Variants in NFIB observed in about 807,000 individuals in gnomAD.
NFIB encodes nuclear factor I B.
A neutral mutation model predicts 61.5 loss-of-function variants in NFIB; 11 were observed. The observed-to-expected ratio is 0.18, with a 90% confidence interval of 0.11 to 0.30. The LOEUF (loss-of-function observed/expected upper bound fraction) is 0.30, where lower values mean the gene tolerates loss of function less well. Among genes scored for constraint, NFIB ranks in the 10% least tolerant of loss-of-function variants. The pLI, the probability that NFIB is intolerant of heterozygous loss-of-function variation, is 1.00. For missense variants in NFIB, 471 were observed against 608.9 expected (o/e 0.77, Z 2.38); for synonymous variants, 260 against 216.5 (o/e 1.20, Z -1.76).
upstream of NFIB, among the ~76,000 whole-genome samples, chr9:14,315,408 C>T (rs1402951653): frequency 6.7e-6 from 1 of 149,808 alleles, no homozygotes; most frequent in African/African-American, 2.4e-5. Context: ...CGGCTTCGCT[C>T]TCCTCCTCCT....
intron 1 of NFIB, among the ~76,000 whole-genome samples, chr9:14,366,610 C>T (rs867029275): frequency 6.6e-6 from 1 of 151,938 alleles, no homozygotes; most frequent in Admixed American, 6.6e-5. Context: ...TGCAGCCTCC[C>T]GAGTAGTTGG....
intron 1 of NFIB, among the ~76,000 whole-genome samples, chr9:14,351,289 G>A (rs1016102966): frequency 1.3e-4 from 20 of 152,160 alleles, no homozygotes; most frequent in Admixed American, 8.5e-4. Flanking sequence ...TGACTTTGCC[G>A]AAAGTAATTT....
At chr9:14,497,343 G>T in the NFIB span, among the ~76,000 whole-genome samples, 2 of 152,170 alleles carry the variant, frequency 1.3e-5, no homozygotes, top group Non-Finnish European at 2.9e-5. Flanking sequence ...AGTTATTACA[G>T]GAGTGCCTTA....
At chr9:14,497,746 G>A in the NFIB span, among the ~76,000 whole-genome samples, 1 of 152,224 alleles carries the variant, frequency 6.6e-6, no homozygotes, top group Non-Finnish European at 1.5e-5. Flanking sequence ...TCTGGCCACA[G>A]AGGTGGGTAT....
chr9:14,082,770 TA>T lies in NFIB; in HGVS notation c.*5538del, dbSNP rs199891065. The stretch of plus-strand genomic sequence containing the variant: ...AGGATGCATAAAAAGCCATACTTCT[TA>T]AAAAAAAAAAAAAGAAAAAAAAAGA... On this transcript the variant is annotated 3_prime_UTR_variant, in exon 11 of 11. Transcript: ENST00000380953. 0.05 allele frequency: 7,736 copies of T among 153,220 alleles called. 169 individuals carry two copies. Among genetic ancestry groups the T allele is most frequent in the East Asian group, 0.22 (2,070 of 9,446 alleles). 9.5% of individuals were successfully genotyped at this position (153,220 alleles called of 1,614,324 possible).
At chr9:14,381,073 C>CAAAAAAAA (rs34848529) in intron 1 of NFIB, among the ~76,000 whole-genome samples, 6 of 82,562 alleles carry the variant, frequency 7.3e-5, no homozygotes, top group African/African-American at 1.2e-4. Context: ...GACTCCGTCT[C>CAAAAAAAA]AAAAAAAAAA....
At chr9:14,238,706 T>A (rs1467291094) in intron 2 of NFIB, among the ~76,000 whole-genome samples, 1 of 152,168 alleles carries the variant, frequency 6.6e-6, no homozygotes, top group Non-Finnish European at 1.5e-5. Context: ...TATTTCATTG[T>A]GGACTCATGA....
At position 14,206,517 on chromosome 9, in the gene NFIB, T is replaced by C. The variant is rs573600985; in HGVS notation, c.563-26737A>G. On this transcript the variant is annotated intron_variant, in intron 2 of 10. Coordinates refer to ENST00000380953, the MANE Select transcript of NFIB (RefSeq NM_001190737.2). Reference sequence around the variant, plus strand: ...GCTAATTTCTTTCCTTTCATGAGATTTTATGGTCTGACACTGCTGACTTAT... The same window carrying C: ...GCTAATTTCTTTCCTTTCATGAGATCTTATGGTCTGACACTGCTGACTTAT... Among the ~76,000 whole-genome samples the C allele has an allele frequency of 5.9e-5, 9 of 152,000 alleles. 1 individual carries two copies. The South Asian group carries it at 1.9e-3, about 32-fold the overall frequency.
At chr9:14,450,908 T>C in the NFIB span, among the ~76,000 whole-genome samples, 2 of 152,270 alleles carry the variant, frequency 1.3e-5, no homozygotes, top group African/African-American at 2.4e-5. Context: ...AGCCGTGTGA[T>C]TTACAGACAT....
At chr9:14,343,632 C>G (rs1225728100) in intron 1 of NFIB, among the ~76,000 whole-genome samples, 5 of 152,046 alleles carry the variant, frequency 3.3e-5, no homozygotes, top group Non-Finnish European at 5.9e-5. Context: ...TAAAGAAAAG[C>G]AATCCCCAGG....
chr9:14,475,633 A>G, the NFIB span, among the ~76,000 whole-genome samples: 1 of 151,716 alleles, frequency 6.6e-6, no homozygotes, highest in Admixed American at 6.6e-5. Flanking sequence ...CTGCTTTCCC[A>G]CTCAATGACA....
intron 2 of NFIB, among the ~76,000 whole-genome samples, chr9:14,286,316 G>C (rs1419412439): frequency 1.3e-5 from 2 of 152,184 alleles, no homozygotes; most frequent in South Asian, 2.1e-4. Context: ...AATTGCTCCA[G>C]TTAGGAGCAG....
At chr9:14,517,343 G>A in the NFIB span, among the ~76,000 whole-genome samples, 5 of 152,186 alleles carry the variant, frequency 3.3e-5, no homozygotes, top group African/African-American at 9.6e-5. Context: ...CCTCCAAGGC[G>A]TACCTGCTTT....
At chr9:14,167,017 A>T (rs974257396) in intron 3 of NFIB, among the ~76,000 whole-genome samples, 9 of 140,740 alleles carry the variant, frequency 6.4e-5, no homozygotes, top group Non-Finnish European at 1.2e-4. Flanking sequence ...GTGGTTCTTG[A>T]TCATATCCCA....
chr9:14,421,036 T>C, the NFIB span, among the ~76,000 whole-genome samples: 1 of 151,558 alleles, frequency 6.6e-6, no homozygotes, highest in African/African-American at 2.4e-5. Context: ...CCTTCAACTA[T>C]TTTGTTACAA....
chr9:14,104,323 G>A (rs1247187821), intron 10 of NFIB, among the ~76,000 whole-genome samples: 2 of 152,060 alleles, frequency 1.3e-5, no homozygotes, highest in Non-Finnish European at 2.9e-5. Context: ...AAGTAAATGT[G>A]TTCAGTCTAG....
chr9:14,477,681 T>C, the NFIB span, among the ~76,000 whole-genome samples: 1 of 152,166 alleles, frequency 6.6e-6, no homozygotes, highest in African/African-American at 2.4e-5. Flanking sequence ...AAGTTTAAAG[T>C]ACTGAAATGA....
At chr9:14,322,656 A>T (rs1294732565) in intron 1 of NFIB, among the ~76,000 whole-genome samples, 5 of 151,934 alleles carry the variant, frequency 3.3e-5, no homozygotes, top group African/African-American at 1.2e-4. Flanking sequence ...GGCGGGAAGG[A>T]AACCGAAAGG....
At chr9:14,169,684 G>A (rs1277992867) in intron 3 of NFIB, among the ~76,000 whole-genome samples, 2 of 152,120 alleles carry the variant, frequency 1.3e-5, no homozygotes, top group African/African-American at 2.4e-5. Flanking sequence ...AGCCGGACAC[G>A]GCCCATGCCT....
Sources: allele counts gnomAD v4.1 joint callset (sites outside exome capture counted in the v4.1 genomes callset), GRCh38; gene constraint gnomAD v4.1.1; transcripts MANE v1.5; gene names NCBI Gene and HGNC (gene_info 2026-07-23, HGNC 2026-07-21).